The following MUSK variants were observed in gnomAD, a reference collection of about 807,000 sequenced individuals.
MUSK encodes the protein muscle, skeletal receptor tyrosine-protein kinase.
Under a neutral mutation model 88.7 loss-of-function variants are expected in MUSK, and 55 were observed. The ratio of observed to expected loss-of-function variants is 0.62; its 90% CI spans 0.50 to 0.78. The LOEUF is 0.78. Among genes scored for constraint, MUSK ranks in the 30% least tolerant of loss-of-function variants. The probability of loss-of-function intolerance (pLI) is 0.00; values close to 1 mark genes in which losing one functional copy is unlikely to be tolerated. For synonymous variants in MUSK, 387 were observed against 391.9 expected (o/e 0.99, Z 0.15); for missense variants, 1,015 against 1,074.3 (o/e 0.94, Z 0.77).
intron 5 of MUSK, among the ~76,000 whole-genome samples, chr9:110,730,273 A>G (rs555043133): frequency 6.6e-6 from 1 of 152,170 alleles, no homozygotes; most frequent in South Asian, 2.1e-4. Flanking sequence ...TTTAGGGCTC[A>G]CAGTGAATTG....
chr9:110,690,924 G>A (rs1187069229), intron 3 of MUSK, among the ~76,000 whole-genome samples: 2 of 146,898 alleles, frequency 1.4e-5, no homozygotes, highest in South Asian at 2.1e-4. Context: ...GAGTGCAGTG[G>A]CATGATCATG....
chr9:110,675,865 C>G (rs2076020989), intron 1 of MUSK, among the ~76,000 whole-genome samples: 1 of 152,032 alleles, frequency 6.6e-6, no homozygotes, highest in Non-Finnish European at 1.5e-5. Context: ...CTGGCCTAGT[C>G]TTTCTTTTTA....
chr9:110,737,683 T>C (rs946060850), intron 6 of MUSK, among the ~76,000 whole-genome samples: 4 of 152,164 alleles, frequency 2.6e-5, no homozygotes, highest in African/African-American at 9.6e-5. Flanking sequence ...GTCTTTCTTA[T>C]ACTCCAAGAC....
At position 110,785,544 on chromosome 9, in the gene MUSK, C is replaced by T. The variant is rs368698989; in HGVS notation, c.1604C>T (p.Thr535Ile). 3.7e-6 allele frequency: 6 copies of T among 1,610,188 alleles called. No individual in the cohort carries two copies. Among genetic ancestry groups the T allele is most frequent in the Non-Finnish European group, 5.1e-6 (6 of 1,177,838 alleles). The change falls in exon 13 of 15, where the codon ACC becomes ATC. Residue 535 changes from threonine (T) to isoleucine (I), a missense_variant. Coordinates refer to ENST00000374448, the MANE Select transcript of MUSK (RefSeq NM_005592.4). ...KNKKRESAAV[T>I]LTTLPSELLL... ...GCCTGCAGAGAATCAGCAGCAGTAA[C>T]CCTCACCACACTGCCTTCTGAGCTC...
At chr9:110,764,546 T>C (rs570981827) in intron 8 of MUSK, among the ~76,000 whole-genome samples, 1 of 152,150 alleles carries the variant, frequency 6.6e-6, no homozygotes, top group Admixed American at 6.5e-5. Flanking sequence ...AAACTATAGG[T>C]AGTTGATAGA....
At chr9:110,785,134 C>A in intron 12 of MUSK, 118 bp downstream of exon 12, 1 of 916,626 alleles carries the variant, frequency 1.1e-6, no homozygotes, top group Non-Finnish European at 1.6e-6. Flanking sequence ...ATATCCGTAG[C>A]CCTGCTTTAA....
intron 4 of MUSK, 121 bp from the exon 5 acceptor site, chr9:110,697,204 A>G (rs990295483): frequency 1.3e-5 from 14 of 1,053,342 alleles, no homozygotes; most frequent in Middle Eastern, 2.2e-4. Flanking sequence ...AGTGGCCAAT[A>G]AAGGTCAAAG....
In MUSK at chr9:110,805,713, G is replaced by T. The variant is rs115831489; in HGVS notation, c.*4725G>T. ...TTTTCCCTAATGGATTTGTTAATATGTTCAATTGTATGAATTTATTTCCTA... is the reference window on the plus strand; with the variant it reads ...TTTTCCCTAATGGATTTGTTAATATTTTCAATTGTATGAATTTATTTCCTA... On this transcript the variant is annotated 3_prime_UTR_variant, in exon 15 of 15. Transcript: ENST00000374448. 6.3e-3 allele frequency among the ~76,000 whole-genome samples: 956 copies of T among 151,936 alleles called. 9 individuals carry two copies. The highest frequency in any genetic ancestry group is 0.022 in the African/African-American group (921 of 41,502).
At position 110,695,520 on chromosome 9, in the gene MUSK, G is replaced by C; in HGVS notation, c.476G>C (p.Ser159Thr). 6.4e-7 allele frequency: 1 copy of C among 1,558,250 alleles called. No homozygotes were observed. The highest frequency in any genetic ancestry group is 1.4e-5 in the African/African-American group (1 of 73,586). ...TCAGTGTCTTGGATAAAGGGAGACA[G>C]CCCTCTCAGGGTAAGTGGTTATGAT... ...KPSVSWIKGDSPLRENSRIAV... is the reference protein window; with the variant it reads ...KPSVSWIKGDTPLRENSRIAV... The change falls in exon 4 of 15, where the codon AGC becomes ACC. Residue 159 changes from serine (S) to threonine (T), a missense_variant. By Grantham distance (58) the Ser-to-Thr change is moderately conservative. Transcript: ENST00000374448.
chr9:110,777,034 A>G (rs1480780890), intron 11 of MUSK, among the ~76,000 whole-genome samples: 1 of 152,130 alleles, frequency 6.6e-6, no homozygotes, highest in Non-Finnish European at 1.5e-5. Context: ...TTCTTCATTG[A>G]GCCAATTCAT....
chr9:110,786,187 T>G (rs1320904319), intron 13 of MUSK, among the ~76,000 whole-genome samples: 2 of 150,942 alleles, frequency 1.3e-5, no homozygotes, highest in East Asian at 3.9e-4. Flanking sequence ...GGTGCACAAC[T>G]GTAGTCCTAG....
chr9:110,669,295 C>T (rs2075927509), intron 1 of MUSK, among the ~76,000 whole-genome samples: 1 of 152,140 alleles, frequency 6.6e-6, no homozygotes, highest in African/African-American at 2.4e-5. Flanking sequence ...ATGCGAATGT[C>T]AAATTTCAGG....
chr9:110,744,901 C>T (rs1445430695), intron 6 of MUSK, among the ~76,000 whole-genome samples: 1 of 152,184 alleles, frequency 6.6e-6, no homozygotes, highest in Non-Finnish European at 1.5e-5. Flanking sequence ...AATCTGGACC[C>T]ACCCCTTTGA....
At chr9:110,717,404 TATC>T (rs2076757690) in intron 5 of MUSK, among the ~76,000 whole-genome samples, 1 of 149,830 alleles carries the variant, frequency 6.7e-6, no homozygotes, top group Non-Finnish European at 1.5e-5. Flanking sequence ...GCAAGCATCT[TATC>T]ATTCTTTAAA....
At chr9:110,674,610 A>ATAT (rs1221693318) in intron 1 of MUSK, among the ~76,000 whole-genome samples, 1 of 151,772 alleles carries the variant, frequency 6.6e-6, no homozygotes, top group East Asian at 1.9e-4. Flanking sequence ...GATGATGATG[A>ATAT]TATTATTATT....
chr9:110,784,964 A>C lies in MUSK; in HGVS notation c.1534A>C (p.Ile512Leu). 2 of 1,613,914 alleles carry C rather than the reference A, an allele frequency of 1.2e-6. No individual in the cohort carries two copies. The highest frequency in any genetic ancestry group is 1.7e-6 in the Non-Finnish European group (2 of 1,179,848). Residue 512 changes from isoleucine (I) to leucine (L), a missense_variant, in exon 12 of 15, where the codon ATA becomes CTA. Coordinates refer to ENST00000374448, the MANE Select transcript of MUSK (RefSeq NM_005592.4). ...SSFAIFVLLT[I>L]TTLYCCRRRK... ...CTTTGCAATATTTGTGCTTCTTACC[A>C]TAACTACTCTCTATTGCTGCCGAAG...
chr9:110,673,737 T>G (rs1473358590), intron 1 of MUSK, among the ~76,000 whole-genome samples: 1 of 152,146 alleles, frequency 6.6e-6, no homozygotes, highest in African/African-American at 2.4e-5. Context: ...TCTGCATCTG[T>G]GTATTGAGTG....
chr9:110,790,635 T>G (rs1192852322), intron 14 of MUSK, among the ~76,000 whole-genome samples: 1 of 152,154 alleles, frequency 6.6e-6, no homozygotes, highest in Non-Finnish European at 1.5e-5. Flanking sequence ...ATTGATTTAG[T>G]TTTCTCTGTG....
intron 5 of MUSK, among the ~76,000 whole-genome samples, chr9:110,712,497 A>C (rs887404149): frequency 6.6e-6 from 1 of 152,212 alleles, no homozygotes; most frequent in Admixed American, 6.5e-5. Flanking sequence ...CTCAAATGCC[A>C]GTGCACATCA....
Sources: allele counts gnomAD v4.1 joint callset (sites outside exome capture counted in the v4.1 genomes callset), GRCh38; gene constraint gnomAD v4.1.1; transcripts MANE v1.5; gene names NCBI Gene and HGNC (gene_info 2026-07-23, HGNC 2026-07-21).